The following CPNE8 variants were observed in gnomAD, a reference collection of about 807,000 sequenced individuals.
CPNE8 encodes copine 8.
In CPNE8, 45 loss-of-function variants were observed where a neutral mutation model predicts 81.5. That is an observed-to-expected ratio of 0.55 (90% CI 0.44 to 0.71). The LOEUF is 0.71. Ranked by LOEUF, CPNE8 falls within the 30% of genes least tolerant of loss-of-function variation. CPNE8 has a pLI of 0.00. For missense variants in CPNE8, 594 were observed against 672.1 expected (o/e 0.88, Z 1.28); for synonymous variants, 252 against 226.3 (o/e 1.11, Z -1.02).
chr12:38,857,588 T>C (rs532118017), intron 3 of CPNE8, among the ~76,000 whole-genome samples: 2 of 152,316 alleles, frequency 1.3e-5, no homozygotes, highest in South Asian at 2.1e-4. Flanking sequence ...TTATTTCTTA[T>C]GTAAGGACAA....
rs143490216 is a variant in CPNE8 at position 38,711,468 on chromosome 12, C to CT, written c.915-8548dup. Among the ~76,000 whole-genome samples, 943 of 142,262 alleles carry CT rather than the reference C, an allele frequency of 6.6e-3. 9 individuals carry two copies. Among genetic ancestry groups the CT allele is most frequent in the African/African-American group, 0.021 (797 of 38,676 alleles). The allele number at this position is 142,262 out of a possible 152,430, so 93.3% of individuals were successfully genotyped here. A position where few individuals can be genotyped will look rare whatever the true frequency, so the allele number is the denominator to read the frequency against. The stretch of plus-strand genomic sequence containing the variant: ...ATCTCTAAGCTTTCCAAGTGTAGTT[C>CT]TTTTTTTTTTTTTTTTCCAGATGGA... On this transcript the variant is annotated intron_variant, in intron 13 of 19. Coordinates refer to ENST00000331366, the MANE Select transcript of CPNE8 (RefSeq NM_153634.3).
intron 6 of CPNE8, among the ~76,000 whole-genome samples, chr12:38,800,163 A>C (rs1188420153): frequency 8.3e-6 from 1 of 120,436 alleles, no homozygotes. Context: ...CCACAACTCA[A>C]GGAGGCCTGC....
chr12:38,755,239 G>GT (rs1379041100), intron 10 of CPNE8, among the ~76,000 whole-genome samples: 1 of 152,074 alleles, frequency 6.6e-6, no homozygotes, highest in Non-Finnish European at 1.5e-5. Context: ...ATACAGAGTG[G>GT]TAAAAATGAA....
chr12:38,692,928 T>C (rs1237993258), intron 15 of CPNE8, among the ~76,000 whole-genome samples: 2 of 152,196 alleles, frequency 1.3e-5, no homozygotes, highest in Non-Finnish European at 2.9e-5. Context: ...TTGGAGTTTC[T>C]GTCCTAGACT....
In CPNE8 at chr12:38,891,114, A is replaced by G. The variant is rs541531562; in HGVS notation, c.98+14323T>C. 2.1e-3 allele frequency among the ~76,000 whole-genome samples: 326 copies of G among 151,892 alleles called. 1 individual carries two copies. The highest frequency in any genetic ancestry group is 7.5e-3 in the African/African-American group (312 of 41,418). On this transcript the variant is annotated intron_variant, in intron 1 of 19. Coordinates refer to ENST00000331366, the MANE Select transcript of CPNE8 (RefSeq NM_153634.3). ...CTGACAAATTTTTGTATTTTTTAGT[A>G]GAGATGGGGTTTTACCCTGTTGTCC...
At chr12:38,720,421 T>A (rs535763672) in intron 13 of CPNE8, among the ~76,000 whole-genome samples, 2 of 152,248 alleles carry the variant, frequency 1.3e-5, no homozygotes, top group South Asian at 4.2e-4. Flanking sequence ...CACACCCAAA[T>A]ATTGCTAGAT....
chr12:38,823,239 G>T (rs1203149577), intron 6 of CPNE8, among the ~76,000 whole-genome samples: 1 of 152,048 alleles, frequency 6.6e-6, no homozygotes, highest in Non-Finnish European at 1.5e-5. Context: ...CTTCCTTTCT[G>T]CTCTGTTCCT....
intron 6 of CPNE8, among the ~76,000 whole-genome samples, chr12:38,794,527 C>G (rs1443328942): frequency 6.6e-6 from 1 of 151,412 alleles, no homozygotes; most frequent in Admixed American, 6.6e-5. Flanking sequence ...AAGTGATATA[C>G]AAATGGCCAA....
intron 13 of CPNE8, among the ~76,000 whole-genome samples, chr12:38,717,379 T>A (rs1215353952): frequency 7.1e-6 from 1 of 141,232 alleles, no homozygotes; most frequent in Non-Finnish European, 1.5e-5. Flanking sequence ...TAAATACATG[T>A]AACCAACCTA....
intron 10 of CPNE8, among the ~76,000 whole-genome samples, chr12:38,748,014 A>AT (rs1293660731): frequency 6.6e-6 from 1 of 151,796 alleles, no homozygotes; most frequent in Non-Finnish European, 1.5e-5. Flanking sequence ...TTATTTATTT[A>AT]TTTATTTTTT....
intron 10 of CPNE8, among the ~76,000 whole-genome samples, chr12:38,738,353 G>A (rs963174479): frequency 2.6e-5 from 4 of 152,098 alleles, no homozygotes; most frequent in Admixed American, 2.0e-4. Context: ...TATGTAAATT[G>A]TTGCTGTTGT....
At chr12:38,778,156 C>T (rs1212626407) in intron 6 of CPNE8, among the ~76,000 whole-genome samples, 1 of 152,096 alleles carries the variant, frequency 6.6e-6, no homozygotes, top group African/African-American at 2.4e-5. Context: ...ATGTAATGCA[C>T]TTGAATCATC....
intron 13 of CPNE8, among the ~76,000 whole-genome samples, chr12:38,720,167 G>A (rs748611306): frequency 2.6e-5 from 4 of 152,200 alleles, no homozygotes; most frequent in Non-Finnish European, 4.4e-5. Context: ...AGAATAACTA[G>A]CATTTCTTCC....
Position 38,845,168 on chromosome 12 carries a change from G to T in CPNE8, c.290+3391C>A, listed in dbSNP as rs137951950. ...TTGAGACAAGTTTAACCTAGTAATTGCCACCCCTTACCAATCAGAGATCAC... is the reference window on the plus strand; with the variant it reads ...TTGAGACAAGTTTAACCTAGTAATTTCCACCCCTTACCAATCAGAGATCAC... On this transcript the variant is annotated intron_variant, in intron 4 of 19. Transcript: ENST00000331366. 9.2e-3 allele frequency among the ~76,000 whole-genome samples: 1,400 copies of T among 152,122 alleles called. 19 individuals are homozygous for T. The highest frequency in any genetic ancestry group is 0.039 in the South Asian group (186 of 4,806).
In CPNE8 at chr12:38,746,366, CT is replaced by C. The variant is rs149781531; in HGVS notation, c.722+14480del. 1.7e-4 allele frequency among the ~76,000 whole-genome samples: 26 copies of C among 152,210 alleles called. No homozygotes were observed. The East Asian group carries it at 4.8e-3, about 28-fold the overall frequency. ...GCTTTCACTTCTTTTCTTTGGAAAA[CT>C]TTGTATATTTCTCATGCATGTTACA... On this transcript the variant is annotated intron_variant, in intron 10 of 19. Coordinates refer to ENST00000331366, the MANE Select transcript of CPNE8 (RefSeq NM_153634.3).
intron 3 of CPNE8, among the ~76,000 whole-genome samples, chr12:38,872,612 G>C (rs947309438): frequency 6.6e-6 from 1 of 152,182 alleles, no homozygotes; most frequent in Non-Finnish European, 1.5e-5. Flanking sequence ...GTTGCAAAAA[G>C]TAGGCAATAT....
chr12:38,711,762 C>T (rs929201172), intron 13 of CPNE8, among the ~76,000 whole-genome samples: 1 of 152,134 alleles, frequency 6.6e-6, no homozygotes, highest in African/African-American at 2.4e-5. Flanking sequence ...ACCCACTACG[C>T]CCGGCCCAAG....
At chr12:38,786,951 T>G (rs977705275) in intron 6 of CPNE8, among the ~76,000 whole-genome samples, 5 of 152,076 alleles carry the variant, frequency 3.3e-5, no homozygotes, top group Non-Finnish European at 1.5e-5. Flanking sequence ...CATCCAGATA[T>G]ATAACACAAA....
intron 4 of CPNE8, among the ~76,000 whole-genome samples, chr12:38,841,277 A>G (rs1943464313): frequency 6.6e-6 from 1 of 152,132 alleles, no homozygotes; most frequent in Admixed American, 6.6e-5. Context: ...AAGTGATGGG[A>G]TGTGAGAGAG....
Sources: allele counts gnomAD v4.1 joint callset (sites outside exome capture counted in the v4.1 genomes callset), GRCh38; gene constraint gnomAD v4.1.1; transcripts MANE v1.5; gene names NCBI Gene and HGNC (gene_info 2026-07-23, HGNC 2026-07-21).